Variants in BCAN observed in about 807,000 individuals in gnomAD.
BCAN encodes the protein brevican core protein.
BCAN carries 51 observed loss-of-function variants against 92.4 expected under a neutral mutation model. The observed-to-expected ratio is 0.55, with a 90% CI of 0.44 to 0.70. BCAN has a LOEUF of 0.70. Among genes scored for constraint, BCAN ranks in the 30% least tolerant of loss-of-function variants. The pLI is 0.00. For synonymous variants in BCAN, 501 were observed against 505.2 expected (o/e 0.99, Z 0.11); for missense variants, 1,140 against 1,212.1 (o/e 0.94, Z 0.88).
chr1:156,656,777 C>T, intron 9 of BCAN, 161 bp from the exon 10 acceptor site: 1 of 996,950 alleles, frequency 1.0e-6, no homozygotes. Context: ...CTCCAGGCTC[C>T]TGCTACCCCC....
At chr1:156,657,566 C>A in intron 10 of BCAN, 109 bp from the exon 11 acceptor site, 1 of 836,480 alleles carries the variant, frequency 1.2e-6, no homozygotes, top group Non-Finnish European at 1.9e-6. Flanking sequence ...AGGGCGGGTG[C>A]TGGATCGCGG....
At position 156,652,812 on chromosome 1, in the gene BCAN, C is replaced by A; in HGVS notation, c.1862C>A (p.Ala621Glu). ...SEDNSGRTAP[A>E]GTSVQAQPVL... is the part of the protein sequence containing the mutation. ...GATAATTCTGGAAGAACTGCCCCAG[C>A]AGGGACCTCAGTGCAGGCCCAGCCA... Residue 621 changes from alanine (A) to glutamate (E), a missense_variant, in exon 8 of 14, where the codon GCA becomes GAA. By Grantham distance (107) the Ala-to-Glu change is moderately radical. This residue lies in a region of BCAN where 825 missense variants were observed against 871.8 expected (regional missense o/e 0.95). Transcript: ENST00000329117. The A allele has an allele frequency of 6.2e-7, 1 of 1,613,858 alleles. No homozygotes were observed. The highest frequency in any genetic ancestry group is 8.5e-7 in the Non-Finnish European group (1 of 1,179,870).
chr1:156,647,878 C>T lies in BCAN; in HGVS notation c.642-105C>T. On this transcript the variant is annotated intron_variant, in intron 4 of 13. Transcript: ENST00000329117. This position sits in a 1 kb window ranked among gnomAD's most constrained non-coding sequence, Gnocchi z 4.8. ...CAGTGCTAGAAGGACAGCCAGCTGT[C>T]AGCAAGTGTCTGCACTGTGGTGGCA... is the stretch of plus-strand genomic sequence containing the variant. 6.4e-7 allele frequency: 1 copy of T among 1,570,210 alleles called. No individual in the cohort carries two copies. The highest frequency in any genetic ancestry group is 8.8e-7 in the Non-Finnish European group (1 of 1,141,014).
In BCAN at chr1:156,659,304, C is replaced by T; in HGVS notation, c.*170C>T. 2 of 587,256 alleles carry T rather than the reference C, an allele frequency of 3.4e-6. No homozygotes were observed. Among genetic ancestry groups the T allele is most frequent in the Non-Finnish European group, 5.9e-6 (2 of 339,770 alleles). The allele number at this position is 587,256 out of a possible 1,614,324, so 36.4% of individuals were successfully genotyped here. On this transcript the variant is annotated 3_prime_UTR_variant, in exon 14 of 14. Transcript: ENST00000329117. ...CTGGGAAATACCTAGGAGGCTCCAG[C>T]CCAGCCCAGGCCCTCTCCCCCTACC...
chr1:156,646,168 A>G, intron 2 of BCAN, 23 bp downstream of exon 2: 3 of 1,605,752 alleles, frequency 1.9e-6, no homozygotes, highest in Non-Finnish European at 2.6e-6. Context: ...ACTTGGGGTC[A>G]CCGTCTCTGT....
At chr1:156,652,945 C>A in intron 8 of BCAN, 53 bp downstream of exon 8, 1 of 1,599,540 alleles carries the variant, frequency 6.3e-7, no homozygotes, top group Non-Finnish European at 8.5e-7. Context: ...TTTTCTTCCC[C>A]CTGCAGCTCT....
At position 156,656,374 on chromosome 1, in the gene BCAN, G is replaced by C. The variant is rs201179524; in HGVS notation, c.2035G>C (p.Asp679His). 218 of 1,380,852 alleles carry C rather than the reference G, an allele frequency of 1.6e-4. No individual in the cohort carries two copies. The highest frequency in any genetic ancestry group is 4.5e-4 in the Admixed American group (15 of 33,100). 85.5% of individuals were successfully genotyped at this position (1,380,852 alleles called of 1,614,324 possible). A position where few individuals can be genotyped will look rare whatever the true frequency, so the allele number is the denominator to read the frequency against. ...CCTATGTCTGCCTGGCTATGGGGGG[G>C]ACCTGTGCGATGTTGGTGAGTGTTG... ...RCLCLPGYGG[D>H]LCDVGLRFCN... The change falls in exon 9 of 14, where the codon GAC becomes CAC. Residue 679 changes from aspartate to histidine, a missense_variant. Transcript: ENST00000329117.
rs1321083601 is a variant in BCAN, at chr1:156,658,334, G to A, written c.2437+63G>A. ...GAGGGGTGGGCTAGGGGACCAGAGGGACTGATGTTTGTAGACAGAGAGTGC... is the reference window on the plus strand; with the variant it reads ...GAGGGGTGGGCTAGGGGACCAGAGGAACTGATGTTTGTAGACAGAGAGTGC... On this transcript the variant is annotated intron_variant, in intron 12 of 13. Transcript: ENST00000329117. This position sits in a 1 kb window ranked among gnomAD's most constrained non-coding sequence, Gnocchi z 4.4. 6.3e-7 allele frequency: 1 copy of A among 1,584,496 alleles called. No homozygotes were observed. The highest frequency in any genetic ancestry group is 8.6e-7 in the Non-Finnish European group (1 of 1,163,286).
chr1:156,650,459 T>C (rs73000719), intron 6 of BCAN, among the ~76,000 whole-genome samples: 2,930 of 152,280 alleles, frequency 0.019, 104 homozygotes, highest in African/African-American at 0.064. Flanking sequence ...GGTTTTCTGC[T>C]CTTGGCTCCC....
intron 2 of BCAN, chr1:156,646,357 T>C: frequency 3.7e-6 from 2 of 539,902 alleles, no homozygotes; most frequent in Non-Finnish European, 6.5e-6. Flanking sequence ...TGCAAGGCTT[T>C]GGGCCCCTAA....
At chr1:156,657,366 C>G (rs954923224) in intron 10 of BCAN, 2 of 567,102 alleles carry the variant, frequency 3.5e-6, no homozygotes, top group Non-Finnish European at 6.1e-6. Flanking sequence ...CCTCCAATCC[C>G]TCCAACCTCC....
At chr1:156,651,339 G>T (rs934399547) in intron 6 of BCAN, 117 bp from the exon 7 acceptor site, 34 of 966,694 alleles carry the variant, frequency 3.5e-5, no homozygotes, top group Non-Finnish European at 4.8e-5. Context: ...CTGGGCCCCA[G>T]TAGGTGCTCC....
intron 8 of BCAN, among the ~76,000 whole-genome samples, chr1:156,653,770 T>C (rs116414584): frequency 0.015 from 2,299 of 152,226 alleles, 52 homozygotes; most frequent in African/African-American, 0.053. Flanking sequence ...TCATCATCCA[T>C]AGTCTGAGGC....
Position 156,647,016 on chromosome 1 carries a change from G to C in BCAN, c.307G>C (p.Ala103Pro), listed in dbSNP as rs765228105. The change falls in exon 3 of 14, where the codon GCC (alanine) becomes CCC (proline). Residue 103 changes from alanine (A) to proline (P), a missense_variant. Around this residue, in one of 3 missense-constraint regions of BCAN, gnomAD observed 286 missense variants for 284.1 expected, o/e 1.01. Transcript: ENST00000329117. The surrounding 1 kb of genome is among the most constrained non-coding windows in gnomAD (Gnocchi z 4.8). ...ARGVRVKVNE[A>P]YRFRVALPAY... ...GGGAGTGCGCGTCAAGGTGAACGAG[G>C]CCTACCGGTTCCGCGTGGCACTGCC... 6.2e-7 allele frequency: 1 copy of C among 1,612,972 alleles called. No individual in the cohort carries two copies.
chr1:156,646,541 C>CT (rs1678968644), intron 2 of BCAN: 5 of 580,328 alleles, frequency 8.6e-6, no homozygotes, highest in Non-Finnish European at 1.4e-5. Context: ...GTGGAAGACT[C>CT]TGAGAGCAGG....
At chr1:156,646,257 C>G in intron 2 of BCAN, 112 bp downstream of exon 2, 3 of 1,006,936 alleles carry the variant, frequency 3.0e-6, no homozygotes, top group Non-Finnish European at 4.4e-6. Context: ...GGGGAAGCGT[C>G]CAGGCTGGAA....
Position 156,651,605 on chromosome 1 carries a change from A to G in BCAN, c.1213A>G (p.Ile405Val), listed in dbSNP as rs1458348062. The G allele has an allele frequency of 3.7e-6, 6 of 1,613,942 alleles. No individual in the cohort carries two copies. In the South Asian group the frequency reaches 4.4e-5, roughly 12 times the overall value. The change falls in exon 7 of 14, where the codon ATC becomes GTC. Residue 405 changes from isoleucine to valine, a missense_variant. Physicochemically the swap from Ile to Val is conservative, Grantham distance 29 (BLOSUM62 3). Coordinates refer to ENST00000329117, the MANE Select transcript of BCAN (RefSeq NM_021948.5). ...EATESESRGA[I>V]YSIPIMEDGG... ...CACAGAGAGTGAATCCCGTGGGGCC[A>G]TCTACTCCATCCCCATCATGGAGGA...
rs1008355182 is a variant in BCAN, at chr1:156,653,320, C to T, written c.1942+428C>T. 6.6e-6 allele frequency: 7 copies of T among 1,066,026 alleles called. No homozygotes were observed. The African/African-American group carries it at 6.7e-5, about 10-fold the overall frequency. The allele number at this position is 1,066,026 out of a possible 1,614,324, so 66.0% of individuals were successfully genotyped here. ...TGCCTCCTATTGATCTCAGGGAAGCCTGGGAGTCCCTTCTCACCCCTCAAC... is the reference window on the plus strand; with the variant it reads ...TGCCTCCTATTGATCTCAGGGAAGCTTGGGAGTCCCTTCTCACCCCTCAAC... On this transcript the variant is annotated intron_variant, in intron 8 of 13. Coordinates refer to ENST00000329117, the MANE Select transcript of BCAN (RefSeq NM_021948.5).
At chr1:156,656,698 C>G (rs1249720565) in intron 9 of BCAN, 3 of 568,356 alleles carry the variant, frequency 5.3e-6, no homozygotes, top group African/African-American at 3.7e-5. Flanking sequence ...GAGACCCAGG[C>G]CGGAACTCCA....
Sources: gnomAD v4.1 joint callset for allele counts (sites outside exome capture counted in the v4.1 genomes callset) on GRCh38, gnomAD v4.1.1 for gene constraint, gnomAD v4.1.1 regional missense constraint, Gnocchi (gnomAD v3.1) non-coding constraint, MANE v1.5 for transcripts, NCBI Gene and HGNC (gene_info 2026-07-23, HGNC 2026-07-21) for gene names.